The following EML5 variants were observed in gnomAD, a reference collection of about 807,000 sequenced individuals.
The protein encoded by EML5 is echinoderm microtubule-associated protein-like 5.
In EML5, 120 loss-of-function variants were observed where a neutral mutation model predicts 250.0. That is an observed-to-expected ratio of 0.48 (90% CI 0.41 to 0.56). EML5 has a LOEUF of 0.56. Among genes scored for constraint, EML5 ranks in the 20% least tolerant of loss-of-function variants. EML5 has a pLI of 0.00. For synonymous variants in EML5, 771 were observed against 806.5 expected (o/e 0.96, Z 0.75); for missense variants, 2,006 against 2,437.6 (o/e 0.82, Z 3.73).
In EML5 at chr14:88,792,596, G is replaced by C. The variant is rs936983950; in HGVS notation, c.-93C>G. The stretch of plus-strand genomic sequence containing the variant: ...AACGAAAGCCCTCCCGCTGGCTGCC[G>C]GGACTTCCCGCCAGCCGCGTCCTCT... On this transcript the variant is annotated 5_prime_UTR_variant, in exon 1 of 44. Coordinates refer to ENST00000554922, the MANE Select transcript of EML5 (RefSeq NM_183387.3). This position sits in a 1 kb window ranked among gnomAD's most constrained non-coding sequence, Gnocchi z 6.9. 3.2e-5 allele frequency: 38 copies of C among 1,187,332 alleles called. No individual in the cohort carries two copies. Among genetic ancestry groups the C allele is most frequent in the Non-Finnish European group, 4.0e-5 (38 of 959,076 alleles). 73.5% of individuals were successfully genotyped at this position (1,187,332 alleles called of 1,614,324 possible).
chr14:88,700,298 C>CT (rs1031413361), intron 14 of EML5, among the ~76,000 whole-genome samples: 18 of 151,474 alleles, frequency 1.2e-4, no homozygotes, highest in African/African-American at 3.4e-4. Flanking sequence ...ATCTAAATTT[C>CT]TTTTTTTTTA....
Position 88,643,051 on chromosome 14 carries a change from T to C in EML5, c.4108-29A>G, listed in dbSNP as rs145063828. The C allele has an allele frequency of 5.3e-4, 816 of 1,540,652 alleles. 4 individuals are homozygous for C. The African/African-American group carries it at 0.01, about 19-fold the overall frequency. On this transcript the variant is annotated intron_variant, in intron 30 of 43. Coordinates refer to ENST00000554922, the MANE Select transcript of EML5 (RefSeq NM_183387.3). ...TAATGATAATAATAAAACCATTATA[T>C]TCTTCCTCATGTATAAATGTTCACC...
At position 88,754,241 on chromosome 14, in the gene EML5, T is replaced by C. The variant is rs544980997; in HGVS notation, c.357+271A>G. ...ATACCCTATCTGGAAAAGAGTTACA[T>C]AGAAAAATCTGTATAATAACCATGT... On this transcript the variant is annotated intron_variant, in intron 2 of 43. Transcript: ENST00000554922. Among the ~76,000 whole-genome samples the C allele has an allele frequency of 5.3e-4, 80 of 152,304 alleles. No individual in the cohort carries two copies. In the South Asian group the frequency reaches 0.011, roughly 20 times the overall value.
chr14:88,664,366 T>G, intron 23 of EML5, 127 bp downstream of exon 23: 33 of 719,256 alleles, frequency 4.6e-5, no homozygotes, highest in East Asian at 6.4e-5. Context: ...AAAATAATTT[T>G]GAGAATAATG....
In EML5 at chr14:88,612,852, CAG is replaced by C. The variant is rs1318219737; in HGVS notation, c.*2964_*2965del. ...TGTCAAATGCTTTAGAGTTAAATAA[CAG>C]ATCACTGATTTCAAAGACTTGGTGT... On this transcript the variant is annotated 3_prime_UTR_variant, in exon 44 of 44. Transcript: ENST00000554922. 3 of 152,160 alleles carry C rather than the reference CAG, an allele frequency of 2.0e-5. No individual in the cohort carries two copies. The highest frequency in any genetic ancestry group is 6.6e-5 in the Admixed American group (1 of 15,184). 9.4% of individuals were successfully genotyped at this position (152,160 alleles called of 1,614,324 possible).
intron 31 of EML5, among the ~76,000 whole-genome samples, chr14:88,640,262 T>A (rs980283274): frequency 1.3e-5 from 2 of 152,186 alleles, no homozygotes; most frequent in African/African-American, 2.4e-5. Flanking sequence ...ATTCTTCTCA[T>A]CTGCACATGA....
rs770542158 is a variant in EML5 at position 88,618,720 on chromosome 14, A to G, written c.5468T>C (p.Ile1823Thr). The change falls in exon 40 of 44, where the codon ATC (isoleucine) becomes ACC (threonine). Residue 1823 changes from isoleucine to threonine, a missense_variant. This residue lies in a region of EML5 where 405 missense variants were observed against 523.3 expected (regional missense o/e 0.77). Transcript: ENST00000554922. ...GCTTGGAATGTCTTTGCAGTAGCTG[A>G]TTCTGTTAAGAGTGGGGCCCAGCGT... ...DLTLGPTLNR[I>T]SYCKDIPSFV... 1.2e-6 allele frequency: 2 copies of G among 1,610,816 alleles called. No individual in the cohort carries two copies. Among genetic ancestry groups the G allele is most frequent in the Non-Finnish European group, 1.7e-6 (2 of 1,178,390 alleles).
At chr14:88,662,956 G>T in intron 24 of EML5, 75 bp downstream of exon 24, 1 of 1,077,072 alleles carries the variant, frequency 9.3e-7, no homozygotes, top group Non-Finnish European at 1.3e-6. Flanking sequence ...GTAACTAAAC[G>T]ATAGAAAGTA....
intron 5 of EML5, among the ~76,000 whole-genome samples, chr14:88,739,679 A>G (rs920332422): frequency 6.6e-6 from 1 of 152,182 alleles, no homozygotes. Flanking sequence ...ATATGAGAAA[A>G]GATGTAATAA....
chr14:88,619,417 A>C (rs1270277994), intron 39 of EML5: 2 of 152,302 alleles, frequency 1.3e-5, no homozygotes, highest in Non-Finnish European at 2.9e-5. Flanking sequence ...GGGTCTCACT[A>C]TGGTCCCAAA....
chr14:88,678,789 A>C (rs1479205606), intron 21 of EML5, among the ~76,000 whole-genome samples: 1 of 152,194 alleles, frequency 6.6e-6, no homozygotes, highest in East Asian at 1.9e-4. Flanking sequence ...TTCTTATTCT[A>C]GCTTGAAGAC....
At chr14:88,700,882 T>TC (rs2093194274) in intron 14 of EML5, among the ~76,000 whole-genome samples, 1 of 152,180 alleles carries the variant, frequency 6.6e-6, no homozygotes, top group Non-Finnish European at 1.5e-5. Flanking sequence ...CCTGATTAGT[T>TC]CCTCAACTAA....
At position 88,620,724 on chromosome 14, in the gene EML5, C is replaced by G. The variant is rs375791433; in HGVS notation, c.5375+30G>C. Reference sequence around the variant, plus strand: ...AAATGGAAGTTAAATCAAGTATATACTAGAAACTCTATTCCATTTGTTCAC... The same window carrying G: ...AAATGGAAGTTAAATCAAGTATATAGTAGAAACTCTATTCCATTTGTTCAC... On this transcript the variant is annotated intron_variant, in intron 39 of 43. Coordinates refer to ENST00000554922, the MANE Select transcript of EML5 (RefSeq NM_183387.3). This position sits in a 1 kb window ranked among gnomAD's most constrained non-coding sequence, Gnocchi z 4.3. The G allele has an allele frequency of 2.9e-5, 44 of 1,510,250 alleles. No individual in the cohort carries two copies. The highest frequency in any genetic ancestry group is 1.9e-4 in the East Asian group (8 of 42,214). The allele number at this position is 1,510,250 out of a possible 1,614,324, so 93.6% of individuals were successfully genotyped here.
chr14:88,623,208 G>A (rs1675354711), intron 36 of EML5: 1 of 151,810 alleles, frequency 6.6e-6, no homozygotes, highest in Non-Finnish European at 1.5e-5. Context: ...TAGAGATGGG[G>A]TTTCACCATG....
At chr14:88,722,377 A>G (rs1489435310) in intron 8 of EML5, among the ~76,000 whole-genome samples, 2 of 152,222 alleles carry the variant, frequency 1.3e-5, no homozygotes, top group Admixed American at 6.5e-5. Flanking sequence ...ATGCCCATCA[A>G]TGATAGACTG....
At chr14:88,670,378 C>CA (rs1318181937) in intron 21 of EML5, among the ~76,000 whole-genome samples, 2 of 144,238 alleles carry the variant, frequency 1.4e-5, no homozygotes, top group East Asian at 2.0e-4. Flanking sequence ...AAAGCATCAA[C>CA]AAAAAAAGTC....
intron 10 of EML5, among the ~76,000 whole-genome samples, chr14:88,709,806 T>C (rs1449578153): frequency 6.6e-6 from 1 of 152,134 alleles, no homozygotes; most frequent in East Asian, 1.9e-4. Flanking sequence ...TTGCAGCATA[T>C]ACTTACAACA....
rs758850143 is a variant in EML5, at chr14:88,618,344, AT to A, written c.5539-14del. 17 of 1,610,062 alleles carry A rather than the reference AT, an allele frequency of 1.1e-5. No individual in the cohort carries two copies. Among genetic ancestry groups the A allele is most frequent in the Admixed American group, 1.7e-5 (1 of 59,980 alleles). ...AGCCACTAGAGACCTTTTTCATCAG[AT>A]TAAAATGGGACAAGAATTCCATTAG... On this transcript the variant is annotated splice_polypyrimidine_tract_variant and intron_variant, in intron 40 of 43. Coordinates refer to ENST00000554922, the MANE Select transcript of EML5 (RefSeq NM_183387.3).
chr14:88,706,358 G>T lies in EML5; in HGVS notation c.1726C>A (p.Gln576Lys), dbSNP rs2093317555. ...GCTCCACCAATAGAAATAACCCACT[G>T]ATAATCATGTGACCATCTGACATTA... Reference protein sequence around the residue: ...VTNVRWSHDYQWVISIGGADH... With the variant: ...VTNVRWSHDYKWVISIGGADH... The change falls in exon 11 of 44, where the codon CAG becomes AAG. Residue 576 changes from glutamine (Q) to lysine (K), a missense_variant. By Grantham distance (53) the Gln-to-Lys change is moderately conservative (BLOSUM62 1). Transcript: ENST00000554922. The T allele has an allele frequency of 1.2e-6, 2 of 1,609,644 alleles. No individual in the cohort carries two copies. The highest frequency in any genetic ancestry group is 2.2e-5 in the South Asian group (2 of 90,102).
Sources: allele counts gnomAD v4.1 joint callset (sites outside exome capture counted in the v4.1 genomes callset), GRCh38; gene constraint gnomAD v4.1.1; regional missense constraint gnomAD v4.1.1; non-coding constraint Gnocchi (gnomAD v3.1); transcripts MANE v1.5; gene names NCBI Gene and HGNC (gene_info 2026-07-23, HGNC 2026-07-21).